JAZF1: variants seen among roughly 807,000 people sequenced by gnomAD.
JAZF1 encodes the protein juxtaposed with another zinc finger protein 1.
A neutral mutation model predicts 26.4 loss-of-function variants in JAZF1; 8 were observed. The observed-to-expected ratio is 0.30, with a 90% CI of 0.18 to 0.55. The LOEUF is 0.55. JAZF1 is among the 20% of genes least tolerant of loss of function. JAZF1 has a pLI of 0.94. For synonymous variants in JAZF1, 126 were observed against 122.3 expected (o/e 1.03, Z -0.20); for missense variants, 199 against 322.0 (o/e 0.62, Z 2.92).
chr7:27,895,852 T>G (rs942824042), intron 2 of JAZF1, among the ~76,000 whole-genome samples: 1 of 152,246 alleles, frequency 6.6e-6, no homozygotes, highest in Admixed American at 6.5e-5. Context: ...ACCACTTAAC[T>G]GCCATCTAAC....
At chr7:27,900,377 T>C (rs1784145592) in intron 2 of JAZF1, among the ~76,000 whole-genome samples, 1 of 152,262 alleles carries the variant, frequency 6.6e-6, no homozygotes, top group African/African-American at 2.4e-5. Flanking sequence ...TAATATTATC[T>C]ATATTCTTGT....
chr7:28,027,665 G>C (rs1162627016), intron 1 of JAZF1, among the ~76,000 whole-genome samples: 2 of 152,094 alleles, frequency 1.3e-5, no homozygotes, highest in Admixed American at 1.3e-4. Flanking sequence ...AATAACTAAG[G>C]GGGATGGCAA....
chr7:27,847,910 C>A (rs62451074), intron 3 of JAZF1, among the ~76,000 whole-genome samples: 10,073 of 152,098 alleles, frequency 0.066, 378 homozygotes, highest in South Asian at 0.094. Flanking sequence ...TCAGGTGATC[C>A]GCCCGTCTCA....
At chr7:28,098,786 T>C (rs1784424210) in intron 1 of JAZF1, among the ~76,000 whole-genome samples, 2 of 152,204 alleles carry the variant, frequency 1.3e-5, no homozygotes, top group Non-Finnish European at 1.5e-5. Flanking sequence ...TTTGGCACTG[T>C]GCTAAGCATA....
At position 28,110,634 on chromosome 7, in the gene JAZF1, G is replaced by A. The variant is rs866455405; in HGVS notation, c.115+69829C>T. ...GAAAGGAAAAGGAAAGGAAAGGAAAGGAAAAGGAAAGGAAAGGAAAGGAAA... is the reference window on the plus strand; with the variant it reads ...GAAAGGAAAAGGAAAGGAAAGGAAAAGAAAAGGAAAGGAAAGGAAAGGAAA... On this transcript the variant is annotated intron_variant, in intron 1 of 4. Transcript: ENST00000283928. Among the ~76,000 whole-genome samples the A allele has an allele frequency of 7.1e-3, 1,004 of 142,320 alleles. 26 individuals are homozygous for A. Among genetic ancestry groups the A allele is most frequent in the African/African-American group, 0.026 (954 of 37,132 alleles). 93.4% of individuals were successfully genotyped at this position (142,320 alleles called of 152,430 possible).
intron 3 of JAZF1, among the ~76,000 whole-genome samples, chr7:27,858,170 A>G (rs1457713066): frequency 1.3e-5 from 2 of 152,224 alleles, no homozygotes; most frequent in Non-Finnish European, 2.9e-5. Flanking sequence ...AATAAAACTT[A>G]CAAGGGATGT....
intron 3 of JAZF1, among the ~76,000 whole-genome samples, chr7:27,860,212 T>C (rs1248992111): frequency 2.6e-5 from 4 of 152,276 alleles, no homozygotes; most frequent in African/African-American, 7.2e-5. Flanking sequence ...AGAAGTTTGC[T>C]GTTTTTGTGA....
chr7:27,928,416 G>A (rs1352191814), intron 2 of JAZF1, among the ~76,000 whole-genome samples: 1 of 152,174 alleles, frequency 6.6e-6, no homozygotes, highest in African/African-American at 2.4e-5. Context: ...AAAGCCAATT[G>A]CAGGCAAGGC....
At chr7:27,849,625 G>A (rs73297582) in intron 3 of JAZF1, among the ~76,000 whole-genome samples, 3 of 152,232 alleles carry the variant, frequency 2.0e-5, no homozygotes, top group East Asian at 1.9e-4. Context: ...TGAGCAAAAC[G>A]AAGGTAGGAC....
At position 27,832,286 on chromosome 7, in the gene JAZF1, A is replaced by G. The variant is rs1041652237; in HGVS notation, c.*514T>C. The G allele has an allele frequency of 7.0e-5, 15 of 213,168 alleles. No homozygotes were observed. Among genetic ancestry groups the G allele is most frequent in the Non-Finnish European group, 9.5e-6 (1 of 105,186 alleles). 13.2% of individuals were successfully genotyped at this position (213,168 alleles called of 1,614,324 possible). The stretch of plus-strand genomic sequence containing the variant: ...TTATGTTAAACATTCTTTCTTATTT[A>G]TATTTCCATTACCTAAAGTCTTTCT... On this transcript the variant is annotated 3_prime_UTR_variant, in exon 5 of 5. Coordinates refer to ENST00000283928, the MANE Select transcript of JAZF1 (RefSeq NM_175061.4).
At chr7:28,021,216 G>C (rs141701230) in intron 1 of JAZF1, among the ~76,000 whole-genome samples, 2 of 152,294 alleles carry the variant, frequency 1.3e-5, no homozygotes, top group African/African-American at 4.8e-5. Flanking sequence ...TCCCATGGGA[G>C]AGCAGCATTT....
At chr7:28,140,095 T>G (rs971796343) in intron 1 of JAZF1, among the ~76,000 whole-genome samples, 4 of 151,562 alleles carry the variant, frequency 2.6e-5, no homozygotes, top group Admixed American at 1.3e-4. Flanking sequence ...TTTTTTTTTT[T>G]TTTTTGAGAC....
At chr7:28,094,662 G>A (rs80120736) in intron 1 of JAZF1, among the ~76,000 whole-genome samples, 3,151 of 152,338 alleles carry the variant, frequency 0.021, 50 homozygotes, top group Non-Finnish European at 0.032. Flanking sequence ...TCTGGCAGAA[G>A]GAACATGGGC....
rs546690779 is a variant in JAZF1 at position 28,168,939 on chromosome 7, G to A, written c.115+11524C>T. On this transcript the variant is annotated intron_variant, in intron 1 of 4. Coordinates refer to ENST00000283928, the MANE Select transcript of JAZF1 (RefSeq NM_175061.4). ...ACACATAGGCTCTGACTCAGAACCC[G>A]GGAAACCTTTTCTCCCCCAGCTTCA... 7.2e-5 allele frequency among the ~76,000 whole-genome samples: 11 copies of A among 152,294 alleles called. No individual in the cohort carries two copies. The South Asian group carries it at 1.5e-3, about 20-fold the overall frequency.
At chr7:28,040,819 C>T (rs374955138) in intron 1 of JAZF1, among the ~76,000 whole-genome samples, 4 of 152,116 alleles carry the variant, frequency 2.6e-5, no homozygotes, top group Admixed American at 2.0e-4. Flanking sequence ...GTGACTGCAG[C>T]GACGTAAGGT....
chr7:28,047,261 T>C (rs1783512060), intron 1 of JAZF1, among the ~76,000 whole-genome samples: 1 of 152,116 alleles, frequency 6.6e-6, no homozygotes, highest in Admixed American at 6.6e-5. Flanking sequence ...TAAAATCTGG[T>C]GGGGCATATT....
chr7:28,173,072 T>C (rs1193636309), intron 1 of JAZF1, among the ~76,000 whole-genome samples: 1 of 152,214 alleles, frequency 6.6e-6, no homozygotes, highest in Non-Finnish European at 1.5e-5. Flanking sequence ...CGTATACTGC[T>C]AGGGCTCCTC....
chr7:27,841,122 A>G (rs1782915435), intron 3 of JAZF1: 2 of 418,004 alleles, frequency 4.8e-6, no homozygotes, highest in South Asian at 8.5e-5. Context: ...GCGGAGCAAG[A>G]ACATTAACTC....
intron 1 of JAZF1, among the ~76,000 whole-genome samples, chr7:28,092,016 C>A (rs1207694856): frequency 6.6e-6 from 1 of 152,020 alleles, no homozygotes; most frequent in African/African-American, 2.4e-5. Flanking sequence ...CATTCAACTT[C>A]TAGTGAGAAA....
Sources: gnomAD v4.1 joint callset for allele counts (sites outside exome capture counted in the v4.1 genomes callset) on GRCh38, gnomAD v4.1.1 for gene constraint, MANE v1.5 for transcripts, NCBI Gene and HGNC (gene_info 2026-07-23, HGNC 2026-07-21) for gene names.